Variants in LUZP2 observed in about 807,000 individuals in gnomAD.
LUZP2 encodes the protein leucine zipper protein 2.
A neutral mutation model predicts 51.6 loss-of-function variants in LUZP2; 52 were observed. The ratio of observed to expected loss-of-function variants is 1.01; its 90% CI spans 0.81 to 1.27. LUZP2 has a LOEUF of 1.27. Among genes scored for constraint, LUZP2 ranks in the 50% most tolerant of loss-of-function variants. LUZP2 has a pLI of 0.00. For missense variants in LUZP2, 436 were observed against 395.4 expected (o/e 1.10, Z -0.87); for synonymous variants, 154 against 137.3 (o/e 1.12, Z -0.85).
intron 6 of LUZP2, among the ~76,000 whole-genome samples, chr11:24,906,411 A>G (rs957152426): frequency 6.6e-6 from 1 of 152,018 alleles, no homozygotes; most frequent in African/African-American, 2.4e-5. Context: ...GATGTCTACA[A>G]AGTTTTGCAG....
At chr11:24,599,142 C>T (rs1424466181) in intron 1 of LUZP2, among the ~76,000 whole-genome samples, 5 of 152,064 alleles carry the variant, frequency 3.3e-5, no homozygotes, top group Non-Finnish European at 7.4e-5. Flanking sequence ...TCTTCATCAA[C>T]AACGTGATGA....
intron 9 of LUZP2, among the ~76,000 whole-genome samples, chr11:24,999,920 C>G (rs1455139196): frequency 6.6e-6 from 1 of 152,028 alleles, no homozygotes; most frequent in Non-Finnish European, 1.5e-5. Flanking sequence ...AGTGAAAAAA[C>G]AAAGCTTCCA....
rs748017006 is a variant in LUZP2 at position 24,905,978 on chromosome 11, T to C, written c.397-13T>C. On this transcript the variant is annotated splice_polypyrimidine_tract_variant and intron_variant, in intron 5 of 11. Transcript: ENST00000336930. ...GTCTCTTCTTTGCAATAAAACTATG[T>C]TTTCTTCCTCAGAATAAAAGCTTGA... 3.1e-6 allele frequency: 5 copies of C among 1,596,676 alleles called. No homozygotes were observed. The Admixed American group carries it at 6.7e-5, about 21-fold the overall frequency.
chr11:24,887,810 A>T (rs1028172866), intron 5 of LUZP2, among the ~76,000 whole-genome samples: 3 of 152,222 alleles, frequency 2.0e-5, no homozygotes, highest in Non-Finnish European at 4.4e-5. Flanking sequence ...AACACATTTA[A>T]ACTGAAATGT....
intron 5 of LUZP2, among the ~76,000 whole-genome samples, chr11:24,884,700 T>C (rs1352841153): frequency 6.6e-6 from 1 of 151,978 alleles, no homozygotes; most frequent in Non-Finnish European, 1.5e-5. Flanking sequence ...CTTTTCCCCC[T>C]CTTGCCATTT....
chr11:24,770,864 C>A (rs972712257), intron 5 of LUZP2, among the ~76,000 whole-genome samples: 2 of 152,198 alleles, frequency 1.3e-5, no homozygotes, highest in African/African-American at 4.8e-5. Context: ...ACAAACACAC[C>A]ACTGATTTGG....
chr11:24,766,172 A>G (rs923397272), intron 5 of LUZP2, among the ~76,000 whole-genome samples: 2 of 152,166 alleles, frequency 1.3e-5, no homozygotes, highest in South Asian at 2.1e-4. Context: ...CAAAAGCTCT[A>G]TTGTGATTGA....
At chr11:24,683,327 A>AT (rs1856804524) in intron 1 of LUZP2, among the ~76,000 whole-genome samples, 1 of 152,220 alleles carries the variant, frequency 6.6e-6, no homozygotes, top group African/African-American at 2.4e-5. Flanking sequence ...TTCTTGTCAC[A>AT]TATCAGTAGG....
intron 5 of LUZP2, among the ~76,000 whole-genome samples, chr11:24,905,246 C>A (rs1300954378): frequency 6.6e-6 from 1 of 152,090 alleles, no homozygotes; most frequent in Non-Finnish European, 1.5e-5. Context: ...CAGAGTAAGG[C>A]CAGGTGCGGT....
Position 25,031,017 on chromosome 11 carries a change from T to A in LUZP2, c.766-19021T>A, listed in dbSNP as rs867773256. On this transcript the variant is annotated intron_variant, in intron 9 of 11. Coordinates refer to ENST00000336930, the MANE Select transcript of LUZP2 (RefSeq NM_001009909.4). The stretch of plus-strand genomic sequence containing the variant: ...ATATTATATATATATATATATATAT[T>A]TTTTTTTTTTTTTGAGACAGAGTCT... Among the ~76,000 whole-genome samples, 129 of 63,586 alleles carry A rather than the reference T, an allele frequency of 2.0e-3. 12 individuals carry two copies. Among genetic ancestry groups the A allele is most frequent in the African/African-American group, 6.3e-3 (95 of 14,978 alleles). The allele number at this position is 63,586 out of a possible 152,430, so 41.7% of individuals were successfully genotyped here.
intron 9 of LUZP2, among the ~76,000 whole-genome samples, chr11:25,010,456 G>A (rs1056784199): frequency 6.6e-6 from 1 of 152,122 alleles, no homozygotes; most frequent in African/African-American, 2.4e-5. Flanking sequence ...GCTGAAGCAA[G>A]AGAGTCACTT....
chr11:24,965,327 C>G (rs1855548944), intron 7 of LUZP2, among the ~76,000 whole-genome samples: 1 of 149,770 alleles, frequency 6.7e-6, no homozygotes, highest in South Asian at 2.1e-4. Context: ...TAGTTTTCTG[C>G]TGAAATCTCC....
At chr11:25,076,645 G>A (rs1859310536) in intron 10 of LUZP2, among the ~76,000 whole-genome samples, 1 of 141,970 alleles carries the variant, frequency 7.0e-6, no homozygotes, top group Admixed American at 6.9e-5. Context: ...GGAAAAAGAG[G>A]GAAGGAAGGG....
chr11:25,016,281 ATTAT>A (rs1857153080), intron 9 of LUZP2, among the ~76,000 whole-genome samples: 1 of 151,996 alleles, frequency 6.6e-6, no homozygotes, highest in Admixed American at 6.6e-5. Context: ...CCAACATATA[ATTAT>A]TTATCCCTCA....
intron 9 of LUZP2, among the ~76,000 whole-genome samples, chr11:24,995,128 C>T (rs138669998): frequency 0.011 from 1,638 of 152,228 alleles, 15 homozygotes; most frequent in Non-Finnish European, 0.014. Context: ...ATGGCTCACA[C>T]CTGTAATCCC....
intron 7 of LUZP2, among the ~76,000 whole-genome samples, chr11:24,954,555 T>C (rs1344654819): frequency 6.6e-6 from 1 of 152,122 alleles, no homozygotes; most frequent in East Asian, 1.9e-4. Flanking sequence ...AAATAAACTG[T>C]CCAAATATGT....
chr11:25,040,342 G>A (rs199978747), intron 9 of LUZP2, among the ~76,000 whole-genome samples: 1,110 of 34,020 alleles, frequency 0.033, 43 homozygotes, highest in East Asian at 0.21. Flanking sequence ...CTTTCTTTCC[G>A]ATTTTTTTTT....
intron 1 of LUZP2, among the ~76,000 whole-genome samples, chr11:24,539,678 A>C (rs2133843415): frequency 6.6e-6 from 1 of 152,148 alleles, no homozygotes; most frequent in Middle Eastern, 3.4e-3. Flanking sequence ...TAGTGACAGA[A>C]GTACATATAT....
At chr11:24,502,630 C>A (rs578005066) in intron 1 of LUZP2, among the ~76,000 whole-genome samples, 1 of 152,106 alleles carries the variant, frequency 6.6e-6, no homozygotes, top group East Asian at 1.9e-4. Context: ...ATGATCCACC[C>A]GCCTCTCGAC....
Sources: gnomAD v4.1 joint callset for allele counts (sites outside exome capture counted in the v4.1 genomes callset) on GRCh38, gnomAD v4.1.1 for gene constraint, MANE v1.5 for transcripts, NCBI Gene and HGNC (gene_info 2026-07-23, HGNC 2026-07-21) for gene names.